The following ERC2 variants were observed in gnomAD, a reference collection of about 807,000 sequenced individuals.
The protein encoded by ERC2 is ELKS/RAB6-interacting/CAST family member 2.
A neutral mutation model predicts 114.8 loss-of-function variants in ERC2; 42 were observed. That is an observed-to-expected ratio of 0.37 (90% confidence interval 0.29 to 0.47). The LOEUF is 0.47. Ranked by LOEUF, ERC2 falls within the 20% of genes least tolerant of loss-of-function variation. The probability of loss-of-function intolerance (pLI) is 0.99; values close to 1 mark genes in which losing one functional copy is unlikely to be tolerated. For missense variants in ERC2, 939 were observed against 1,150.7 expected (o/e 0.82, Z 2.66); for synonymous variants, 454 against 425.5 (o/e 1.07, Z -0.82).
chr3:56,301,217 A>T (rs1441528683), intron 2 of ERC2, among the ~76,000 whole-genome samples: 2 of 152,236 alleles, frequency 1.3e-5, no homozygotes, highest in Non-Finnish European at 2.9e-5. Flanking sequence ...TTAGTCACTA[A>T]ATGACTTCAG....
intron 17 of ERC2, among the ~76,000 whole-genome samples, chr3:55,671,662 G>C (rs772712420): frequency 6.6e-6 from 1 of 152,198 alleles, no homozygotes; most frequent in Non-Finnish European, 1.5e-5. Flanking sequence ...CCTAATGGTG[G>C]TGCTAGGCTA....
intron 7 of ERC2, among the ~76,000 whole-genome samples, chr3:56,023,788 A>AAGGAAGGAAGGAAGGAAGGC (rs2073877485): frequency 6.6e-6 from 1 of 151,754 alleles, no homozygotes; most frequent in African/African-American, 2.4e-5. Flanking sequence ...GGAAGGAAGG[A>AAGGAAGGAAGGAAGGAAGGC]AGGAAGGAAG....
At chr3:55,697,233 C>A (rs1050372334) in intron 16 of ERC2, among the ~76,000 whole-genome samples, 8 of 152,192 alleles carry the variant, frequency 5.3e-5, no homozygotes, top group Non-Finnish European at 1.0e-4. Flanking sequence ...CCAGCCTATT[C>A]ACCCACTTCC....
chr3:56,429,923 C>T (rs193056162), intron 2 of ERC2, among the ~76,000 whole-genome samples: 34 of 152,238 alleles, frequency 2.2e-4, no homozygotes, highest in Non-Finnish European at 3.1e-4. Context: ...TAGACAGAAC[C>T]ATGAGGACTT....
At chr3:56,409,948 G>T (rs2060880233) in intron 2 of ERC2, among the ~76,000 whole-genome samples, 1 of 152,220 alleles carries the variant, frequency 6.6e-6, no homozygotes, top group Non-Finnish European at 1.5e-5. Context: ...TACAGCTGAA[G>T]AAGCATCTCT....
intron 14 of ERC2, among the ~76,000 whole-genome samples, chr3:55,842,048 C>T (rs1051486679): frequency 3.3e-5 from 5 of 152,062 alleles, no homozygotes; most frequent in African/African-American, 7.2e-5. Flanking sequence ...ACAACTGTTG[C>T]GTGAATGAAT....
chr3:56,408,922 G>T (rs938696688), intron 2 of ERC2, among the ~76,000 whole-genome samples: 2 of 152,230 alleles, frequency 1.3e-5, no homozygotes, highest in African/African-American at 2.4e-5. Flanking sequence ...GGCTGGCGTG[G>T]CCAGGAGTTG....
intron 8 of ERC2, among the ~76,000 whole-genome samples, chr3:56,012,674 T>C (rs2149576327): frequency 6.6e-6 from 1 of 152,268 alleles, no homozygotes; most frequent in East Asian, 1.9e-4. Flanking sequence ...TGACTGGGCA[T>C]TGATGACAAA....
At chr3:56,071,019 T>C (rs1172481141) in intron 7 of ERC2, among the ~76,000 whole-genome samples, 1 of 152,332 alleles carries the variant, frequency 6.6e-6, no homozygotes, top group Admixed American at 6.5e-5. Flanking sequence ...ATGTGTAGTA[T>C]ACCTGGCTGA....
chr3:56,429,763 A>G (rs2061715237), intron 2 of ERC2, among the ~76,000 whole-genome samples: 1 of 152,202 alleles, frequency 6.6e-6, no homozygotes, highest in Non-Finnish European at 1.5e-5. Flanking sequence ...TATCCATCCA[A>G]GAAACTGAGT....
intron 14 of ERC2, among the ~76,000 whole-genome samples, chr3:55,818,635 T>A (rs559851083): frequency 6.6e-6 from 1 of 152,324 alleles, no homozygotes; most frequent in African/African-American, 2.4e-5. Context: ...GACTTTGTTC[T>A]CCACTTCTGC....
intron 17 of ERC2, among the ~76,000 whole-genome samples, chr3:55,566,574 G>A (rs1000979067): frequency 2.0e-5 from 3 of 152,152 alleles, no homozygotes; most frequent in African/African-American, 7.2e-5. Context: ...TGAGATTACA[G>A]GTCTGTGCCA....
At chr3:56,002,926 A>C (rs538011934) in intron 10 of ERC2, among the ~76,000 whole-genome samples, 1 of 152,294 alleles carries the variant, frequency 6.6e-6, no homozygotes, top group South Asian at 2.1e-4. Flanking sequence ...TTTAAATTTC[A>C]CATTCAAAAG....
chr3:56,121,919 T>C (rs966343107), intron 6 of ERC2, among the ~76,000 whole-genome samples: 2 of 152,104 alleles, frequency 1.3e-5, no homozygotes, highest in African/African-American at 2.4e-5. Flanking sequence ...TTGACTTCAA[T>C]CCACACCAAC....
In ERC2 at chr3:55,787,526, G is replaced by A. The variant is rs1452348838; in HGVS notation, c.2565-52608C>T. 3.3e-5 allele frequency among the ~76,000 whole-genome samples: 5 copies of A among 152,232 alleles called. No individual in the cohort carries two copies. In the East Asian group the frequency reaches 9.6e-4, roughly 29 times the overall value. Reference sequence around the variant, plus strand: ...TCCATTCAGATACAGGGCTAGACATGGCATCTCAATTATTTCTTATATGGC... The same window carrying A: ...TCCATTCAGATACAGGGCTAGACATAGCATCTCAATTATTTCTTATATGGC... On this transcript the variant is annotated intron_variant, in intron 14 of 17. Transcript: ENST00000288221.
chr3:56,180,523 T>C (rs566623977), intron 3 of ERC2, among the ~76,000 whole-genome samples: 2 of 152,318 alleles, frequency 1.3e-5, no homozygotes, highest in East Asian at 1.9e-4. Flanking sequence ...ACAACATGGA[T>C]AGACCTCAAG....
At chr3:55,879,808 A>T (rs1237884819) in intron 14 of ERC2, among the ~76,000 whole-genome samples, 2 of 152,182 alleles carry the variant, frequency 1.3e-5, no homozygotes, top group Non-Finnish European at 2.9e-5. Flanking sequence ...GAATGCAGCT[A>T]AAGGCTATAT....
intron 13 of ERC2, among the ~76,000 whole-genome samples, chr3:55,912,365 G>GTAGC (rs1379783086): frequency 2.6e-5 from 4 of 152,188 alleles, no homozygotes; most frequent in African/African-American, 9.7e-5. Context: ...AGGGAACATA[G>GTAGC]TAGCATTCAT....
At chr3:55,950,759 G>A (rs1177997059) in intron 12 of ERC2, among the ~76,000 whole-genome samples, 199 bp from the exon 13 acceptor site, 1 of 152,192 alleles carries the variant, frequency 6.6e-6, no homozygotes, top group African/African-American at 2.4e-5. Context: ...ACGGCACTGG[G>A]GCTGCAGTGG....
Sources: allele counts gnomAD v4.1 joint callset (sites outside exome capture counted in the v4.1 genomes callset), GRCh38; gene constraint gnomAD v4.1.1; transcripts MANE v1.5; gene names NCBI Gene and HGNC (gene_info 2026-07-23, HGNC 2026-07-21).